Variants in XRN1 observed in about 807,000 individuals in gnomAD.
XRN1 encodes strand-exchange protein 1 homolog.
Under a neutral mutation model 222.3 loss-of-function variants are expected in XRN1, and 67 were observed. That is an observed-to-expected ratio of 0.30 (90% CI 0.25 to 0.37). XRN1 has a LOEUF of 0.37. Among genes scored for constraint, XRN1 ranks in the 10% least tolerant of loss-of-function variants. The pLI, the probability that XRN1 is intolerant of heterozygous loss-of-function variation, is 1.00. For missense variants in XRN1, 1,707 were observed against 2,000.2 expected (o/e 0.85, Z 2.80); for synonymous variants, 643 against 652.4 (o/e 0.99, Z 0.22).
At chr3:142,330,432 TAATAG>T (rs1389680508) in intron 36 of XRN1, among the ~76,000 whole-genome samples, 1 of 152,138 alleles carries the variant, frequency 6.6e-6, no homozygotes, top group Middle Eastern at 3.2e-3. Flanking sequence ...ACAAACTCAC[TAATAG>T]AACAAAAGCA....
chr3:142,352,400 T>A (rs1037907553), intron 32 of XRN1, among the ~76,000 whole-genome samples: 2 of 152,222 alleles, frequency 1.3e-5, no homozygotes, highest in Admixed American at 6.5e-5. Context: ...AAGCTTATAA[T>A]AGCATATTGG....
intron 22 of XRN1, 36 bp downstream of exon 22, chr3:142,383,264 G>C: frequency 3.3e-6 from 5 of 1,510,988 alleles, no homozygotes; most frequent in Non-Finnish European, 4.5e-6. Context: ...CTTTAAACTA[G>C]AGAAAAATGT....
chr3:142,331,065 G>A (rs1219020812), intron 36 of XRN1, among the ~76,000 whole-genome samples: 1 of 152,134 alleles, frequency 6.6e-6, no homozygotes, highest in Non-Finnish European at 1.5e-5. Flanking sequence ...TGATCCACCC[G>A]CCTTGGCCTC....
chr3:142,401,924 CT>C (rs1420012787), intron 18 of XRN1, among the ~76,000 whole-genome samples: 1 of 152,172 alleles, frequency 6.6e-6, no homozygotes, highest in Non-Finnish European at 1.5e-5. Context: ...ATTTATGCAG[CT>C]TACATCCTCT....
At position 142,418,846 on chromosome 3, in the gene XRN1, G is replaced by C. The variant is rs755518303; in HGVS notation, c.1209C>G (p.Asp403Glu). 1 of 1,613,910 alleles carries C rather than the reference G, an allele frequency of 6.2e-7. No homozygotes were observed. Among genetic ancestry groups the C allele is most frequent in the African/African-American group, 1.3e-5 (1 of 74,996 alleles). The change falls in exon 11 of 41, where the codon GAC becomes GAG. Residue 403 changes from aspartate to glutamate, a missense_variant. Physicochemically the swap from Asp to Glu is conservative, Grantham distance 45. This residue lies in a region of XRN1 where 1,234 missense variants were observed against 1,518.2 expected (regional missense o/e 0.81). Coordinates refer to ENST00000392981, the MANE Select transcript of XRN1 (RefSeq NM_001282857.2). ...AAGTTATCATTTCGCCTTCATTTTT[G>C]TCTAAAGCAGTCCAACACAGAGAAT... ...QENSLCWTAL[D>E]KNEGEMITSK... is the part of the protein sequence containing the mutation.
At chr3:142,416,413 A>G (rs2068789404) in intron 13 of XRN1, among the ~76,000 whole-genome samples, 2 of 152,068 alleles carry the variant, frequency 1.3e-5, no homozygotes. Context: ...AAAACTCTTG[A>G]CCTCAAGTGA....
chr3:142,349,626 TC>T (rs1410314598), intron 32 of XRN1, among the ~76,000 whole-genome samples: 2 of 152,130 alleles, frequency 1.3e-5, no homozygotes, highest in African/African-American at 4.8e-5. Flanking sequence ...TGGGTATAGT[TC>T]TTTAGGGTGT....
At chr3:142,394,940 T>C (rs1249340938) in intron 20 of XRN1, among the ~76,000 whole-genome samples, 1 of 152,256 alleles carries the variant, frequency 6.6e-6, no homozygotes, top group Non-Finnish European at 1.5e-5. Context: ...AAATATTTCA[T>C]GTATATGTTT....
intron 15 of XRN1, among the ~76,000 whole-genome samples, chr3:142,409,405 T>C (rs2068472425): frequency 6.6e-6 from 1 of 152,234 alleles, no homozygotes; most frequent in Admixed American, 6.5e-5. Context: ...CCAGTTGTTC[T>C]AGCACCAACT....
intron 29 of XRN1, 41 bp downstream of exon 29, chr3:142,365,006 T>C (rs1483893036): frequency 6.3e-7 from 1 of 1,584,736 alleles, no homozygotes; most frequent in African/African-American, 1.4e-5. Context: ...TACTTTACAA[T>C]ATAAATTACG....
At chr3:142,376,045 A>T in intron 24 of XRN1, 101 bp from the exon 25 acceptor site, 18 of 1,409,220 alleles carry the variant, frequency 1.3e-5, no homozygotes, top group Non-Finnish European at 1.7e-5. Context: ...TTTGCTTTCA[A>T]TTCTTAGAAA....
At position 142,311,329 on chromosome 3, in the gene XRN1, A is replaced by G; in HGVS notation, c.*182T>C. Reference sequence around the variant, plus strand: ...AACAAACTGCACATACTTAAAGTGCACAATTTGATACACAGTCTTTTAAAC... The same window carrying G: ...AACAAACTGCACATACTTAAAGTGCGCAATTTGATACACAGTCTTTTAAAC... On this transcript the variant is annotated 3_prime_UTR_variant, in exon 41 of 41. Coordinates refer to ENST00000392981, the MANE Select transcript of XRN1 (RefSeq NM_001282857.2). 1 of 502,358 alleles carries G rather than the reference A, an allele frequency of 2.0e-6. No homozygotes were observed. Among genetic ancestry groups the G allele is most frequent in the Non-Finnish European group, 3.3e-6 (1 of 298,628 alleles). 31.1% of individuals were successfully genotyped at this position (502,358 alleles called of 1,614,324 possible). A position where few individuals can be genotyped will look rare whatever the true frequency, so the allele number is the denominator to read the frequency against.
chr3:142,370,349 T>C (rs1262324509), intron 27 of XRN1, 136 bp downstream of exon 27: 4 of 1,146,396 alleles, frequency 3.5e-6, no homozygotes, highest in Non-Finnish European at 4.7e-6. Context: ...CTTTTTTAAA[T>C]TACAGGATTA....
intron 1 of XRN1, among the ~76,000 whole-genome samples, chr3:142,441,396 A>T (rs993640854): frequency 1.3e-5 from 2 of 152,250 alleles, no homozygotes; most frequent in Non-Finnish European, 2.9e-5. Flanking sequence ...CCCAAGCCCC[A>T]GTGTTAAGCT....
chr3:142,392,984 C>T (rs1386184642), intron 20 of XRN1, among the ~76,000 whole-genome samples: 3 of 150,902 alleles, frequency 2.0e-5, no homozygotes, highest in Non-Finnish European at 4.4e-5. Flanking sequence ...TCTCCAGCAC[C>T]TGTTGTTTCC....
At chr3:142,431,265 G>A (rs2069510259) in intron 2 of XRN1, among the ~76,000 whole-genome samples, 1 of 152,184 alleles carries the variant, frequency 6.6e-6, no homozygotes, top group Non-Finnish European at 1.5e-5. Context: ...AAGGAACAGG[G>A]AATCAGTTTT....
At chr3:142,338,295 G>C (rs2065900636) in intron 33 of XRN1, among the ~76,000 whole-genome samples, 1 of 152,178 alleles carries the variant, frequency 6.6e-6, no homozygotes, top group Non-Finnish European at 1.5e-5. Flanking sequence ...TTGTGTCAGA[G>C]TCATGAGACC....
rs148069657 is a variant in XRN1, at chr3:142,384,911, G to C, written c.2340-226C>G. On this transcript the variant is annotated intron_variant, in intron 20 of 40. Transcript: ENST00000392981. Reference sequence around the variant, plus strand: ...CTCTGTGATTAAATAAGAACTCATAGAGCTATACAAAACTCCTGTTCTCAC... The same window carrying C: ...CTCTGTGATTAAATAAGAACTCATACAGCTATACAAAACTCCTGTTCTCAC... Among the ~76,000 whole-genome samples the C allele has an allele frequency of 9.6e-3, 1,461 of 152,182 alleles. 20 individuals carry two copies. The highest frequency in any genetic ancestry group is 0.034 in the African/African-American group (1,401 of 41,494).
At chr3:142,426,449 A>AGGACAGAAAGATATAT in intron 3 of XRN1, 1 of 262,988 alleles carries the variant, frequency 3.8e-6, no homozygotes, top group Non-Finnish European at 7.2e-6. Context: ...TGGCAGGAAT[A>AGGACAGAAAGATATAT]GGACAGAAAG....
Sources: allele counts gnomAD v4.1 joint callset (sites outside exome capture counted in the v4.1 genomes callset), GRCh38; gene constraint gnomAD v4.1.1; regional missense constraint gnomAD v4.1.1; transcripts MANE v1.5; gene names NCBI Gene and HGNC (gene_info 2026-07-23, HGNC 2026-07-21).